The following SLC14A2 variants were observed in gnomAD, a reference collection of about 807,000 sequenced individuals.
SLC14A2 encodes the protein urea transporter 2.
SLC14A2 carries 91 observed loss-of-function variants against 104.6 expected under a neutral mutation model. That is an observed-to-expected ratio of 0.87 (90% confidence interval 0.73 to 1.04). The LOEUF (loss-of-function observed/expected upper bound fraction) is 1.04, where lower values mean the gene tolerates loss of function less well. Ranked by LOEUF, SLC14A2 falls within the 50% of genes least tolerant of loss-of-function variation. SLC14A2 has a pLI of 0.00. For missense variants in SLC14A2, 1,189 were observed against 1,156.0 expected (o/e 1.03, Z -0.41); for synonymous variants, 476 against 466.4 (o/e 1.02, Z -0.27).
At chr18:45,319,807 T>C (rs945073075) in intron 1 of SLC14A2, among the ~76,000 whole-genome samples, 1 of 152,236 alleles carries the variant, frequency 6.6e-6, no homozygotes, top group Non-Finnish European at 1.5e-5. Context: ...AAGTTGTAGA[T>C]AAATGGCTTC....
At chr18:45,215,754 C>T (rs541312481) in intron 1 of SLC14A2, among the ~76,000 whole-genome samples, 24 of 152,290 alleles carry the variant, frequency 1.6e-4, no homozygotes, top group Admixed American at 1.3e-4. Flanking sequence ...TCTGTGGTTA[C>T]GATTATTAAT....
At chr18:45,376,469 T>C (rs2085775747) in intron 1 of SLC14A2, among the ~76,000 whole-genome samples, 1 of 152,178 alleles carries the variant, frequency 6.6e-6, no homozygotes, top group Admixed American at 6.5e-5. Context: ...TATCTGCTTG[T>C]GCTCAGATTC....
intron 2 of SLC14A2, among the ~76,000 whole-genome samples, chr18:45,607,687 G>A (rs1051393791): frequency 6.6e-6 from 1 of 152,166 alleles, no homozygotes; most frequent in African/African-American, 2.4e-5. Flanking sequence ...TCTTCTTAAT[G>A]TCTCTGGACA....
intron 1 of SLC14A2, among the ~76,000 whole-genome samples, chr18:45,256,809 G>C (rs983004547): frequency 6.6e-6 from 1 of 152,212 alleles, no homozygotes; most frequent in Non-Finnish European, 1.5e-5. Context: ...GGGAAAAGGG[G>C]CAAATCTCAG....
At chr18:45,314,294 G>A (rs144340125) in intron 1 of SLC14A2, among the ~76,000 whole-genome samples, 63 of 152,304 alleles carry the variant, frequency 4.1e-4, no homozygotes, top group Admixed American at 7.8e-4. Context: ...CACTGCATAT[G>A]TTCTCAGTGG....
chr18:45,297,153 A>G (rs2084925090), intron 1 of SLC14A2, among the ~76,000 whole-genome samples: 2 of 152,234 alleles, frequency 1.3e-5, no homozygotes, highest in Admixed American at 1.3e-4. Context: ...CAATCAATAT[A>G]AGAGATCATG....
chr18:45,429,180 A>G (rs1378273290), intron 1 of SLC14A2, among the ~76,000 whole-genome samples: 1 of 152,212 alleles, frequency 6.6e-6, no homozygotes, highest in Non-Finnish European at 1.5e-5. Flanking sequence ...ATTACAATAT[A>G]TTATTAAATT....
rs561507980 is a variant in SLC14A2, at chr18:45,644,542, T to G, written c.1351+382T>G. ...TATAAAATTAAACTTGTTGAGTGGT[T>G]CCTAGGCAGACACAGAGTAGGGGGG... On this transcript the variant is annotated intron_variant, in intron 10 of 19. Coordinates refer to ENST00000255226, the MANE Select transcript of SLC14A2 (RefSeq NM_007163.4). 54 of 164,530 alleles carry G rather than the reference T, an allele frequency of 3.3e-4. No individual in the cohort carries two copies. The South Asian group carries it at 9.5e-3, about 29-fold the overall frequency. The allele number at this position is 164,530 out of a possible 1,614,324, so 10.2% of individuals were successfully genotyped here.
intron 1 of SLC14A2, among the ~76,000 whole-genome samples, chr18:45,421,393 C>T (rs906886752): frequency 6.6e-6 from 1 of 151,964 alleles, no homozygotes; most frequent in Admixed American, 6.6e-5. Flanking sequence ...ATAACTACAA[C>T]CAGCATAAAA....
At chr18:45,324,167 G>T (rs558196525) in intron 1 of SLC14A2, among the ~76,000 whole-genome samples, 1 of 152,192 alleles carries the variant, frequency 6.6e-6, no homozygotes, top group South Asian at 2.1e-4. Flanking sequence ...TGTTCAGTAA[G>T]TATCTACTGA....
intron 16 of SLC14A2, among the ~76,000 whole-genome samples, chr18:45,671,579 A>G (rs911919491): frequency 1.3e-5 from 2 of 151,842 alleles, no homozygotes; most frequent in Non-Finnish European, 2.9e-5. Context: ...CTGTATGTGC[A>G]ACTCTCTCTC....
rs2084231857 is a variant in SLC14A2 at position 45,235,989 on chromosome 18, GTATATATACATATATGTGTGTA to G, written c.-125+22804_-125+22825del. Among the ~76,000 whole-genome samples, 7 of 57,212 alleles carry G rather than the reference GTATATATACATATATGTGTGTA, an allele frequency of 1.2e-4. No individual in the cohort carries two copies. The Admixed American group carries it at 1.3e-3, about 11-fold the overall frequency. 37.5% of individuals were successfully genotyped at this position (57,212 alleles called of 152,430 possible). On this transcript the variant is annotated intron_variant, in intron 1 of 20. Coordinates refer to the SLC14A2 transcript ENST00000586448. ...TATACATATATGTGTGTATATATGT[GTATATATACATATATGTGTGTA>G]TATATGTGTATATATACATATATGT...
chr18:45,606,269 T>A, intron 2 of SLC14A2, among the ~76,000 whole-genome samples: 1 of 152,182 alleles, frequency 6.6e-6, no homozygotes. Context: ...TGTAACACTA[T>A]CTGGTTCCTT....
chr18:45,329,511 G>A (rs1372023317), intron 1 of SLC14A2, among the ~76,000 whole-genome samples: 1 of 152,218 alleles, frequency 6.6e-6, no homozygotes, highest in Non-Finnish European at 1.5e-5. Context: ...AGCATTTGGA[G>A]CCAAAGCTAG....
chr18:45,622,184 G>A (rs2045182083), intron 1 of SLC14A2, among the ~76,000 whole-genome samples: 2 of 152,210 alleles, frequency 1.3e-5, no homozygotes, highest in Admixed American at 6.5e-5. Context: ...AAAAAGTAGG[G>A]ATATCCAAAT....
chr18:45,340,241 A>T (rs2085380146), intron 1 of SLC14A2, among the ~76,000 whole-genome samples: 1 of 152,234 alleles, frequency 6.6e-6, no homozygotes. Context: ...CAGGAAAAAA[A>T]TTACCTCTCT....
intron 1 of SLC14A2, among the ~76,000 whole-genome samples, chr18:45,274,676 T>A (rs2084684367): frequency 6.6e-6 from 1 of 152,262 alleles, no homozygotes; most frequent in African/African-American, 2.4e-5. Context: ...AACCCAAGAT[T>A]TACAGCAATA....
At chr18:45,632,279 A>G (rs2045357260) in intron 4 of SLC14A2, 71 bp from the exon 5 acceptor site, 1 of 1,549,998 alleles carries the variant, frequency 6.5e-7, no homozygotes, top group Non-Finnish European at 8.7e-7. Context: ...GCATATCCTC[A>G]GAGCACCAGG....
intron 1 of SLC14A2, among the ~76,000 whole-genome samples, chr18:45,405,680 A>G (rs1598764654): frequency 6.6e-6 from 1 of 152,096 alleles, no homozygotes; most frequent in South Asian, 2.1e-4. Flanking sequence ...AGGCAGGTGG[A>G]TCTTTTGAGA....
Sources: allele counts gnomAD v4.1 joint callset (sites outside exome capture counted in the v4.1 genomes callset), GRCh38; gene constraint gnomAD v4.1.1; transcripts MANE v1.5; gene names NCBI Gene and HGNC (gene_info 2026-07-23, HGNC 2026-07-21).